CALN1: variants seen among roughly 807,000 people sequenced by gnomAD.
The protein encoded by CALN1 is calneuron 1.
In CALN1, 17 loss-of-function variants were observed where a neutral mutation model predicts 30.6. That is an observed-to-expected ratio of 0.56 (90% CI 0.38 to 0.83). The LOEUF is 0.83. Ranked by LOEUF, CALN1 falls within the 40% of genes least tolerant of loss-of-function variation. The probability of loss-of-function intolerance (pLI) is 0.00; values close to 1 mark genes in which losing one functional copy is unlikely to be tolerated. For missense variants in CALN1, 291 were observed against 354.9 expected (o/e 0.82, Z 1.45); for synonymous variants, 156 against 131.4 (o/e 1.19, Z -1.28).
chr7:72,135,993 C>T (rs188868181), intron 3 of CALN1, among the ~76,000 whole-genome samples: 25 of 151,822 alleles, frequency 1.6e-4, no homozygotes, highest in Admixed American at 1.2e-3. Flanking sequence ...ATAAGCTGGG[C>T]GTGGTGGTAG....
intron 2 of CALN1, among the ~76,000 whole-genome samples, chr7:72,402,967 G>A (rs1233228234): frequency 1.3e-5 from 2 of 152,258 alleles, no homozygotes; most frequent in East Asian, 3.9e-4. Context: ...TCCACACTCT[G>A]TAAGTTGTAT....
intron 3 of CALN1, among the ~76,000 whole-genome samples, chr7:72,110,236 G>T (rs1807467432): frequency 6.6e-6 from 1 of 152,126 alleles, no homozygotes; most frequent in Admixed American, 6.5e-5. Context: ...ACCCCAGCGG[G>T]CCCTAGCTGG....
the CALN1 span, among the ~76,000 whole-genome samples, chr7:72,483,229 G>C: frequency 6.7e-6 from 1 of 148,530 alleles, no homozygotes; most frequent in Non-Finnish European, 1.5e-5. Flanking sequence ...GTTTTTTGTG[G>C]GGTTTTGTTT....
chr7:71,842,947 G>A (rs1790018909), intron 5 of CALN1, among the ~76,000 whole-genome samples: 1 of 152,226 alleles, frequency 6.6e-6, no homozygotes, highest in South Asian at 2.1e-4. Context: ...TGATTTACAA[G>A]GATTCTTGGA....
chr7:72,276,081 A>C (rs574065690), intron 3 of CALN1, among the ~76,000 whole-genome samples: 1 of 152,314 alleles, frequency 6.6e-6, no homozygotes, highest in East Asian at 1.9e-4. Context: ...AGATGATTCC[A>C]AACTCCATTT....
chr7:72,002,465 A>G (rs1384722557), intron 5 of CALN1, among the ~76,000 whole-genome samples: 1 of 152,222 alleles, frequency 6.6e-6, no homozygotes, highest in African/African-American at 2.4e-5. Context: ...TAGTGAATAC[A>G]TATCACTTTT....
At chr7:72,014,744 C>T (rs368701487) in intron 5 of CALN1, among the ~76,000 whole-genome samples, 6 of 152,130 alleles carry the variant, frequency 3.9e-5, no homozygotes, top group South Asian at 2.1e-4. Context: ...TCCCTGCAGC[C>T]TCGACCTCCC....
intron 2 of CALN1, among the ~76,000 whole-genome samples, chr7:72,350,519 T>A (rs1041370471): frequency 2.0e-5 from 3 of 152,176 alleles, no homozygotes; most frequent in African/African-American, 7.2e-5. Context: ...CTAAGCAATT[T>A]AATGCAGAAC....
At chr7:72,336,134 G>A (rs951466486) in intron 2 of CALN1, among the ~76,000 whole-genome samples, 1 of 151,730 alleles carries the variant, frequency 6.6e-6, no homozygotes, top group Non-Finnish European at 1.5e-5. Flanking sequence ...GGTGGGTGGC[G>A]GCGAGGAGCG....
chr7:72,305,421 A>C (rs1432857060), intron 2 of CALN1, among the ~76,000 whole-genome samples: 2 of 152,344 alleles, frequency 1.3e-5, no homozygotes, highest in African/African-American at 4.8e-5. Flanking sequence ...TGAATATGGA[A>C]GGATTTAATT....
At chr7:71,880,085 T>A (rs1792476516) in intron 5 of CALN1, among the ~76,000 whole-genome samples, 1 of 152,022 alleles carries the variant, frequency 6.6e-6, no homozygotes, top group African/African-American at 2.4e-5. Context: ...TATAGTGAGC[T>A]ACGATTGTGC....
Position 72,205,551 on chromosome 7 carries a change from A to AAAATATATACATATATATATATAT in CALN1, c.244+73134_244+73135insATATATATATATATGTATATATTT. ...ATTTTTCTCCTGATTGCAAAAAAAAAATATATATATATATATGTATATATA... is the reference window on the plus strand; with the variant it reads ...ATTTTTCTCCTGATTGCAAAAAAAAAAAATATATACATATATATATATATATATATATATATATATGTATATATA... On this transcript the variant is annotated intron_variant, in intron 3 of 6. Coordinates refer to ENST00000395275, the MANE Select transcript of CALN1 (RefSeq NM_031468.4). Among the ~76,000 whole-genome samples, 37 of 83,036 alleles carry AAAATATATACATATATATATATAT rather than the reference A, an allele frequency of 4.5e-4. 2 individuals are homozygous for AAAATATATACATATATATATATAT. The highest frequency in any genetic ancestry group is 2.6e-3 in the African/African-American group (35 of 13,436). 54.5% of individuals were successfully genotyped at this position (83,036 alleles called of 152,430 possible).
At chr7:72,290,916 C>T (rs571962652) in intron 2 of CALN1, among the ~76,000 whole-genome samples, 2 of 135,324 alleles carry the variant, frequency 1.5e-5, no homozygotes, top group East Asian at 5.3e-4. Flanking sequence ...CTTTCTTTCA[C>T]CTTTTAACCA....
At chr7:71,790,674 C>T (rs1319120009) in intron 6 of CALN1, among the ~76,000 whole-genome samples, 4 of 152,218 alleles carry the variant, frequency 2.6e-5, no homozygotes, top group Admixed American at 6.5e-5. Context: ...GCAGCACCAG[C>T]GCCAGCTGAG....
intron 4 of CALN1, among the ~76,000 whole-genome samples, chr7:72,068,770 C>A (rs1337265433): frequency 6.6e-6 from 1 of 152,188 alleles, no homozygotes; most frequent in Non-Finnish European, 1.5e-5. Flanking sequence ...GGATTACAGG[C>A]ATGAGCCACC....
At chr7:71,992,647 C>T (rs1488151320) in intron 5 of CALN1, among the ~76,000 whole-genome samples, 1 of 152,200 alleles carries the variant, frequency 6.6e-6, no homozygotes, top group East Asian at 1.9e-4. Flanking sequence ...TGTAAGCCAT[C>T]GCACCCAGCA....
intron 5 of CALN1, among the ~76,000 whole-genome samples, chr7:71,848,466 A>G (rs2116567914): frequency 6.6e-6 from 1 of 152,326 alleles, no homozygotes; most frequent in Non-Finnish European, 1.5e-5. Context: ...TCTTTGAAGG[A>G]TAAACAGGAA....
intron 2 of CALN1, among the ~76,000 whole-genome samples, chr7:72,309,892 G>T (rs191615264): frequency 6.6e-6 from 1 of 152,146 alleles, no homozygotes; most frequent in East Asian, 1.9e-4. Context: ...CCCGCTTCAA[G>T]GCTATCCAGG....
chr7:72,093,853 T>C (rs1373770824), intron 4 of CALN1, among the ~76,000 whole-genome samples: 1 of 152,224 alleles, frequency 6.6e-6, no homozygotes, highest in African/African-American at 2.4e-5. Context: ...AAATCTCTTA[T>C]GTGAAATTTC....
Sources: allele counts gnomAD v4.1 joint callset (sites outside exome capture counted in the v4.1 genomes callset), GRCh38; gene constraint gnomAD v4.1.1; transcripts MANE v1.5; gene names NCBI Gene and HGNC (gene_info 2026-07-23, HGNC 2026-07-21).